The following CCDC62 variants were observed in gnomAD, a reference collection of about 807,000 sequenced individuals.
CCDC62 encodes coiled-coil domain-containing protein 62.
Under a neutral mutation model 80.8 loss-of-function variants are expected in CCDC62, and 72 were observed. The ratio of observed to expected loss-of-function variants is 0.89; its 90% CI spans 0.74 to 1.08. The LOEUF (loss-of-function observed/expected upper bound fraction) is 1.08, where lower values mean the gene tolerates loss of function less well. Among genes scored for constraint, CCDC62 ranks in the 50% least tolerant of loss-of-function variants. CCDC62 has a pLI of 0.00. For missense variants in CCDC62, 704 were observed against 809.4 expected (o/e 0.87, Z 1.58); for synonymous variants, 286 against 296.5 (o/e 0.96, Z 0.36).
At chr12:122,825,470 C>A (rs1177959639) in intron 12 of CCDC62, among the ~76,000 whole-genome samples, 1 of 150,598 alleles carries the variant, frequency 6.6e-6, no homozygotes, top group African/African-American at 2.4e-5. Context: ...CTTCAGCCTC[C>A]CAAGTAGCTG....
chr12:122,816,289 T>C (rs2032160362), intron 11 of CCDC62, among the ~76,000 whole-genome samples: 2 of 152,078 alleles, frequency 1.3e-5, no homozygotes, highest in Admixed American at 6.6e-5. Flanking sequence ...CAGAGGAAGG[T>C]TTTTAATGAC....
intron 10 of CCDC62, 88 bp downstream of exon 10, chr12:122,806,383 G>A: frequency 1.0e-6 from 1 of 972,970 alleles, no homozygotes; most frequent in Non-Finnish European, 1.4e-6. Context: ...CTGTTAGCTT[G>A]CTTATTTTGG....
rs554730367 is a variant in CCDC62, at chr12:122,784,210, A to C, written c.397-1509A>C. On this transcript the variant is annotated intron_variant, in intron 3 of 12. Coordinates refer to ENST00000253079, the MANE Select transcript of CCDC62 (RefSeq NM_201435.5). ...CACACATTTAAATTTCCTCCTAAAG[A>C]TATCTTTTTAAAAGTCTAAATAGGC... Among the ~76,000 whole-genome samples, 7 of 152,208 alleles carry C rather than the reference A, an allele frequency of 4.6e-5. No homozygotes were observed. The South Asian group carries it at 1.5e-3, about 32-fold the overall frequency.
chr12:122,777,774 T>G, intron 2 of CCDC62, 91 bp downstream of exon 2: 2 of 1,198,868 alleles, frequency 1.7e-6, no homozygotes, highest in Non-Finnish European at 2.4e-6. Flanking sequence ...AAGTAAAGAC[T>G]GCAATCCCTG....
At chr12:122,795,968 GT>G (rs2030929996) in intron 6 of CCDC62, among the ~76,000 whole-genome samples, 1 of 152,106 alleles carries the variant, frequency 6.6e-6, no homozygotes. Flanking sequence ...GCAGCAGAGA[GT>G]TCCTTACCTC....
intron 11 of CCDC62, among the ~76,000 whole-genome samples, chr12:122,819,972 G>A (rs2032330513): frequency 7.0e-6 from 1 of 142,508 alleles, no homozygotes; most frequent in Non-Finnish European, 1.5e-5. Context: ...TGGGACAGGA[G>A]GATTGCTTGA....
At chr12:122,793,788 T>C (rs982101076) in intron 6 of CCDC62, among the ~76,000 whole-genome samples, 1 of 152,136 alleles carries the variant, frequency 6.6e-6, no homozygotes, top group Non-Finnish European at 1.5e-5. Flanking sequence ...ATTCTTAATT[T>C]TAATCTCTTG....
chr12:122,800,188 T>TG (rs1566079037), intron 8 of CCDC62, among the ~76,000 whole-genome samples: 6 of 137,302 alleles, frequency 4.4e-5, no homozygotes, highest in Non-Finnish European at 9.4e-5. Flanking sequence ...TTTTTTTTTT[T>TG]GTACATATGG....
At chr12:122,805,420 C>T (rs181776869) in intron 9 of CCDC62, among the ~76,000 whole-genome samples, 5 of 145,646 alleles carry the variant, frequency 3.4e-5, no homozygotes, top group East Asian at 4.0e-4. Context: ...CTTGGCTCTC[C>T]GCAACCTCCG....
At position 122,826,460 on chromosome 12, in the gene CCDC62, T is replaced by A; in HGVS notation, c.*79T>A. The A allele has an allele frequency of 1.3e-6, 1 of 779,536 alleles. No individual in the cohort carries two copies. The highest frequency in any genetic ancestry group is 1.3e-5 in the South Asian group (1 of 74,306). The allele number at this position is 779,536 out of a possible 1,614,324, so 48.3% of individuals were successfully genotyped here. On this transcript the variant is annotated 3_prime_UTR_variant, in exon 13 of 13. Transcript: ENST00000253079. ...GTGGAAGGCAGAAAGCAGACACCAA[T>A]ACTGAATGAATACTTAACCGTAAAA...
chr12:122,790,056 CT>C (rs904666622), intron 5 of CCDC62, among the ~76,000 whole-genome samples: 110 of 146,610 alleles, frequency 7.5e-4, no homozygotes, highest in South Asian at 8.6e-4. Flanking sequence ...AATATTAAAA[CT>C]TTTTTTTTTT....
intron 10 of CCDC62, among the ~76,000 whole-genome samples, chr12:122,807,296 C>T (rs1194882743): frequency 6.6e-6 from 1 of 152,040 alleles, no homozygotes; most frequent in Non-Finnish European, 1.5e-5. Context: ...CTTTGGAAGG[C>T]CGGGGTGGGC....
At chr12:122,783,085 GGAAA>G (rs1334970200) in intron 3 of CCDC62, among the ~76,000 whole-genome samples, 1 of 148,550 alleles carries the variant, frequency 6.7e-6, no homozygotes, top group Admixed American at 6.8e-5. Context: ...CCAGCCTGGG[GGAAA>G]GAGCGAGACT....
intron 6 of CCDC62, among the ~76,000 whole-genome samples, chr12:122,795,427 C>G (rs939298595): frequency 2.0e-5 from 3 of 150,406 alleles, no homozygotes; most frequent in Non-Finnish European, 4.4e-5. Context: ...GTAGAAAATG[C>G]AGTTCTTTTT....
At chr12:122,779,188 C>A (rs1879668889) in intron 2 of CCDC62, among the ~76,000 whole-genome samples, 1 of 152,170 alleles carries the variant, frequency 6.6e-6, no homozygotes, top group Non-Finnish European at 1.5e-5. Context: ...TAAAAGTTTC[C>A]TGTTCTCATT....
chr12:122,804,014 A>G (rs2135564525), intron 9 of CCDC62, among the ~76,000 whole-genome samples: 1 of 152,352 alleles, frequency 6.6e-6, no homozygotes, highest in South Asian at 2.1e-4. Flanking sequence ...CATGACAAAT[A>G]TGTGATTAAG....
In CCDC62 at chr12:122,777,680, G is replaced by T. The variant is rs749397852; in HGVS notation, c.226G>T (p.Glu76Ter). Residue 76 changes from glutamate (E) to a stop codon, truncating the protein, a stop_gained, in exon 2 of 13, where the codon GAA (glutamate) becomes TAA (stop). Transcript: ENST00000253079. LOFTEE classifies it high-confidence loss of function. ...LTLEERCSKL[E>*]GELHKRTEII... The stretch of plus-strand genomic sequence containing the variant: ...ACTGGAAGAACGTTGCAGCAAATTA[G>T]AAGGTCAGAAATACATTCAGGGACA... 6.2e-7 allele frequency: 1 copy of T among 1,613,858 alleles called. No homozygotes were observed. The highest frequency in any genetic ancestry group is 8.5e-7 in the Non-Finnish European group (1 of 1,179,802).
At chr12:122,781,999 G>A (rs1436506570) in intron 3 of CCDC62, among the ~76,000 whole-genome samples, 1 of 148,192 alleles carries the variant, frequency 6.7e-6, no homozygotes, top group Non-Finnish European at 1.5e-5. Flanking sequence ...AGCTGTGATT[G>A]TGCCACTACA....
rs866911769 is a variant in CCDC62 at position 122,804,856 on chromosome 12, G to A, written c.1707-1295G>A. On this transcript the variant is annotated intron_variant, in intron 9 of 12. Transcript: ENST00000253079. ...CAGCCTCCCAGGTAGCCAAGACTAC[G>A]GGCACGAGTCACTGCACTTGGTTCC... 1.0e-4 allele frequency among the ~76,000 whole-genome samples: 15 copies of A among 150,454 alleles called. No individual in the cohort carries two copies. In the South Asian group the frequency reaches 1.9e-3, roughly 19 times the overall value.
Sources: allele counts gnomAD v4.1 joint callset (sites outside exome capture counted in the v4.1 genomes callset), GRCh38; gene constraint gnomAD v4.1.1; transcripts MANE v1.5; gene names NCBI Gene and HGNC (gene_info 2026-07-23, HGNC 2026-07-21).